TMEM123: variants seen among roughly 807,000 people sequenced by gnomAD.
TMEM123 encodes the protein porimin.
A neutral mutation model predicts 19.7 loss-of-function variants in TMEM123; 16 were observed. That is an observed-to-expected ratio of 0.81 (90% CI 0.55 to 1.23). TMEM123 has a LOEUF of 1.23. Ranked by LOEUF, TMEM123 falls within the 50% of genes most tolerant of loss-of-function variation. TMEM123 has a pLI of 0.00. For synonymous variants in TMEM123, 118 were observed against 99.4 expected (o/e 1.19, Z -1.12); for missense variants, 313 against 257.8 (o/e 1.21, Z -1.47).
chr11:102,445,096 AC>A (rs1323312839), intron 2 of TMEM123, among the ~76,000 whole-genome samples: 7 of 152,158 alleles, frequency 4.6e-5, no homozygotes, highest in Admixed American at 4.6e-4. Flanking sequence ...GGTGTAGCAC[AC>A]CAACATGGCA....
At chr11:102,439,232 T>C (rs1555057444) in intron 2 of TMEM123, among the ~76,000 whole-genome samples, 2 of 151,958 alleles carry the variant, frequency 1.3e-5, no homozygotes. Context: ...TCTGACAGCT[T>C]TGAAGAGAGC....
chr11:102,428,007 A>G (rs970289786), intron 2 of TMEM123, among the ~76,000 whole-genome samples: 5 of 152,084 alleles, frequency 3.3e-5, no homozygotes, highest in African/African-American at 1.2e-4. Context: ...ATGAGGATAT[A>G]AACTTGCTGG....
chr11:102,447,717 C>G (rs142577061), intron 2 of TMEM123, among the ~76,000 whole-genome samples: 11 of 152,296 alleles, frequency 7.2e-5, no homozygotes, highest in African/African-American at 2.4e-4. Flanking sequence ...AGTAATCCCT[C>G]TAGACTTTTT....
intron 2 of TMEM123, among the ~76,000 whole-genome samples, chr11:102,439,867 T>G (rs548890979): frequency 9.7e-4 from 148 of 152,286 alleles, no homozygotes; most frequent in African/African-American, 3.5e-3. Flanking sequence ...AATGACCTGA[T>G]GGAGCTGAAA....
At chr11:102,436,242 A>G (rs1037676251) in intron 2 of TMEM123, among the ~76,000 whole-genome samples, 1 of 151,942 alleles carries the variant, frequency 6.6e-6, no homozygotes, top group Non-Finnish European at 1.5e-5. Flanking sequence ...GGCTCAGTGC[A>G]GCTTACACCT....
intron 2 of TMEM123, among the ~76,000 whole-genome samples, chr11:102,417,602 T>G (rs113203795): frequency 1.3e-3 from 196 of 152,264 alleles, no homozygotes; most frequent in African/African-American, 4.5e-3. Flanking sequence ...ACAGATTCAG[T>G]GCTATTGATA....
At chr11:102,429,198 T>G (rs1348680224) in intron 2 of TMEM123, among the ~76,000 whole-genome samples, 1 of 152,092 alleles carries the variant, frequency 6.6e-6, no homozygotes, top group Non-Finnish European at 1.5e-5. Context: ...TTCTTTAGGT[T>G]TTGTGAATGT....
At chr11:102,404,370 G>A (rs777997533) in intron 2 of TMEM123, among the ~76,000 whole-genome samples, 4 of 151,644 alleles carry the variant, frequency 2.6e-5, no homozygotes, top group East Asian at 1.9e-4. Context: ...GGCAACCTCC[G>A]CCTTCTGGGT....
At chr11:102,442,455 A>G (rs1857837301) in intron 2 of TMEM123, among the ~76,000 whole-genome samples, 1 of 152,228 alleles carries the variant, frequency 6.6e-6, no homozygotes, top group African/African-American at 2.4e-5. Flanking sequence ...CCACATGATA[A>G]TCTGAATAGA....
At chr11:102,401,763 C>CT (rs1951915393) in intron 3 of TMEM123, 71 bp from the exon 4 acceptor site, 1 of 1,499,304 alleles carries the variant, frequency 6.7e-7, no homozygotes, top group Admixed American at 2.3e-5. Flanking sequence ...TTAAAGCTCT[C>CT]TGATTTTCTG....
chr11:102,404,945 A>C (rs1405208875), intron 2 of TMEM123, among the ~76,000 whole-genome samples: 1 of 152,094 alleles, frequency 6.6e-6, no homozygotes, highest in Non-Finnish European at 1.5e-5. Context: ...AGTTGGTTTT[A>C]ATAGTGCTGC....
At position 102,401,520 on chromosome 11, in the gene TMEM123, C is replaced by A; in HGVS notation, c.602+19G>T. ...CACCAACAATTTTTTTTAAAAAGTC[C>A]TGGCCATTCAAAACTTACATGGTTC... is the stretch of plus-strand genomic sequence containing the variant. On this transcript the variant is annotated intron_variant, in intron 4 of 4. Coordinates refer to ENST00000398136, the MANE Select transcript of TMEM123 (RefSeq NM_052932.3). 1.3e-6 allele frequency: 2 copies of A among 1,544,486 alleles called. No homozygotes were observed. Among genetic ancestry groups the A allele is most frequent in the East Asian group, 2.3e-5 (1 of 42,912 alleles).
rs1951965044 is a variant in TMEM123, at chr11:102,407,392, A to AG, written c.158-5187dup. On this transcript the variant is annotated intron_variant, in intron 2 of 4. Coordinates refer to ENST00000398136, the MANE Select transcript of TMEM123 (RefSeq NM_052932.3). ...TAACACCTCAGCTAGTGCAGTTGGGAGGGTAGAGCCACCAGGGGAAGGCTG... is the reference window on the plus strand; with the variant it reads ...TAACACCTCAGCTAGTGCAGTTGGGAGGGGTAGAGCCACCAGGGGAAGGCTG... Among the ~76,000 whole-genome samples, 6 of 152,290 alleles carry AG rather than the reference A, an allele frequency of 3.9e-5. No individual in the cohort carries two copies. The South Asian group carries it at 1.2e-3, about 32-fold the overall frequency.
intron 2 of TMEM123, among the ~76,000 whole-genome samples, chr11:102,430,770 C>A (rs1276719305): frequency 1.3e-5 from 2 of 152,224 alleles, no homozygotes. Context: ...CCGCATGAGA[C>A]AGCCATCTTT....
chr11:102,410,588 A>G (rs936067063), intron 2 of TMEM123, among the ~76,000 whole-genome samples: 4 of 151,790 alleles, frequency 2.6e-5, no homozygotes, highest in African/African-American at 9.7e-5. Flanking sequence ...TTCCTGCTCA[A>G]AACTCCCCAA....
chr11:102,435,358 A>G (rs1028557306), intron 2 of TMEM123, among the ~76,000 whole-genome samples: 5 of 152,004 alleles, frequency 3.3e-5, no homozygotes, highest in Admixed American at 3.3e-4. Context: ...TGTTCAACTC[A>G]TTAGTTATCA....
intron 2 of TMEM123, among the ~76,000 whole-genome samples, chr11:102,427,635 G>A (rs955068402): frequency 7.9e-5 from 12 of 151,284 alleles, no homozygotes; most frequent in East Asian, 5.8e-4. Context: ...TCAGCATTTC[G>A]AGACCAGCCT....
At position 102,402,210 on chromosome 11, in the gene TMEM123, CAAT is replaced by C. The variant is rs1790040653; in HGVS notation, c.158-7_158-5del. 1 of 1,611,124 alleles carries C rather than the reference CAAT, an allele frequency of 6.2e-7. No individual in the cohort carries two copies. The highest frequency in any genetic ancestry group is 8.5e-7 in the Non-Finnish European group (1 of 1,178,150). Reference sequence around the variant, plus strand: ...GAAGGCACATGTTGGAGAGTCTCTGCAATAATATCAAGAAACATTAAAACCAGA... The same window carrying C: ...GAAGGCACATGTTGGAGAGTCTCTGCAATATCAAGAAACATTAAAACCAGA... On this transcript the variant is annotated splice_polypyrimidine_tract_variant and splice_region_variant and intron_variant, in intron 2 of 4. Coordinates refer to ENST00000398136, the MANE Select transcript of TMEM123 (RefSeq NM_052932.3).
intron 1 of TMEM123, among the ~76,000 whole-genome samples, chr11:102,451,953 G>A (rs928499659): frequency 2.6e-5 from 4 of 152,202 alleles, no homozygotes; most frequent in African/African-American, 9.6e-5. Flanking sequence ...CGCGAGGGCG[G>A]GGCGCGCTCC....
Sources: allele counts gnomAD v4.1 joint callset (sites outside exome capture counted in the v4.1 genomes callset), GRCh38; gene constraint gnomAD v4.1.1; transcripts MANE v1.5; gene names NCBI Gene and HGNC (gene_info 2026-07-23, HGNC 2026-07-21).